Variants in DPP10 observed in about 807,000 individuals in gnomAD.
The protein encoded by DPP10 is inactive dipeptidyl peptidase 10.
Under a neutral mutation model 120.9 loss-of-function variants are expected in DPP10, and 33 were observed. The observed-to-expected ratio is 0.27, with a 90% CI of 0.21 to 0.37. DPP10 has a LOEUF of 0.37. Ranked by LOEUF, DPP10 falls within the 10% of genes least tolerant of loss-of-function variation. DPP10 has a pLI of 1.00. For synonymous variants in DPP10, 337 were observed against 326.1 expected, an observed-to-expected ratio of 1.03 and a Z score of -0.36; for missense variants, 816 against 942.8, an observed-to-expected ratio of 0.87 and a Z score of 1.76.
At chr2:114,605,965 T>C (rs1387259807) in intron 1 of DPP10, among the ~76,000 whole-genome samples, 1 of 152,144 alleles carries the variant, frequency 6.6e-6, no homozygotes. Flanking sequence ...CTTGCCTGTT[T>C]GGAAGCCACT....
At chr2:114,950,632 C>T (rs1697718119) in intron 1 of DPP10, among the ~76,000 whole-genome samples, 1 of 151,600 alleles carries the variant, frequency 6.6e-6, no homozygotes, top group Admixed American at 6.6e-5. Context: ...CTTAGAACAC[C>T]TTTGGGTTTT....
chr2:114,594,382 A>ATATG (rs1034007165), intron 1 of DPP10, among the ~76,000 whole-genome samples: 4 of 149,858 alleles, frequency 2.7e-5, no homozygotes, highest in African/African-American at 9.7e-5. Flanking sequence ...ATATATATAT[A>ATATG]TGTGTATATA....
At chr2:115,059,973 A>T (rs1396287168) in intron 1 of DPP10, among the ~76,000 whole-genome samples, 1 of 152,068 alleles carries the variant, frequency 6.6e-6, no homozygotes, top group East Asian at 1.9e-4. Flanking sequence ...AAACATGAGG[A>T]TGATGCGTGC....
intron 1 of DPP10, among the ~76,000 whole-genome samples, chr2:114,479,354 T>C (rs1015127682): frequency 6.0e-5 from 9 of 150,800 alleles, no homozygotes; most frequent in Non-Finnish European, 1.2e-4. Context: ...ACTGTATAAC[T>C]ACAAAAATAA....
chr2:115,464,749 T>A (rs1254922590), intron 3 of DPP10, among the ~76,000 whole-genome samples: 1 of 152,064 alleles, frequency 6.6e-6, no homozygotes, highest in Admixed American at 6.6e-5. Context: ...ATAATATCAA[T>A]AGGTAATTAT....
chr2:115,784,976 TA>T lies in DPP10; in HGVS notation c.1531+2579del, dbSNP rs531215540. 6.6e-3 allele frequency among the ~76,000 whole-genome samples: 1,003 copies of T among 152,356 alleles called. 12 individuals are homozygous for T. Among genetic ancestry groups the T allele is most frequent in the Non-Finnish European group, 7.6e-3 (520 of 68,030 alleles). On this transcript the variant is annotated intron_variant, in intron 17 of 25. Coordinates refer to ENST00000410059, the MANE Select transcript of DPP10 (RefSeq NM_020868.6). ...ATAATGGGAGTTTGTAAGTACATTT[TA>T]ATGGAATATTACTCAGTGCCCTGGG...
chr2:115,240,832 T>G (rs1034610600), intron 1 of DPP10, among the ~76,000 whole-genome samples: 10 of 152,216 alleles, frequency 6.6e-5, no homozygotes, highest in Non-Finnish European at 1.0e-4. Flanking sequence ...CAAAACAAAA[T>G]ATTTACAGTT....
intron 1 of DPP10, among the ~76,000 whole-genome samples, chr2:115,300,006 A>G (rs2061053775): frequency 6.6e-6 from 1 of 152,038 alleles, no homozygotes; most frequent in African/African-American, 2.4e-5. Context: ...CTCTAATAAC[A>G]TTTTGTGGTT....
Position 115,815,706 on chromosome 2 carries a change from A to G in DPP10, c.1927A>G (p.Lys643Glu). Reference protein sequence around the residue: ...FLLKLPYIDSKRLSIFGKGYG... With the variant: ...FLLKLPYIDSERLSIFGKGYG... ...GCTGAAACTGCCTTACATTGACTCC[A>G]AAAGATTAAGCATTTTTGGAAAGGT... The change falls in exon 21 of 26, where the codon AAA (lysine) becomes GAA (glutamate). Residue 643 changes from lysine to glutamate, a missense_variant. Lys to Glu is a moderately conservative substitution (Grantham distance 56). Around this residue, in one of 3 missense-constraint regions of DPP10, gnomAD observed 592 missense variants for 649.0 expected, o/e 0.91. Transcript: ENST00000410059. The G allele has an allele frequency of 6.2e-7, 1 of 1,602,062 alleles. No individual in the cohort carries two copies. The highest frequency in any genetic ancestry group is 8.5e-7 in the Non-Finnish European group (1 of 1,172,900).
At chr2:114,689,217 C>T (rs991239782) in intron 1 of DPP10, among the ~76,000 whole-genome samples, 2 of 151,682 alleles carry the variant, frequency 1.3e-5, no homozygotes, top group African/African-American at 4.8e-5. Flanking sequence ...TCCTAATGCT[C>T]TCCCTCTCCC....
At chr2:115,098,352 C>G (rs1187087077) in intron 1 of DPP10, among the ~76,000 whole-genome samples, 3 of 152,088 alleles carry the variant, frequency 2.0e-5, no homozygotes, top group African/African-American at 7.2e-5. Flanking sequence ...GTCATGCATC[C>G]CTTACCAACA....
At chr2:115,105,670 T>G (rs539829024) in intron 1 of DPP10, among the ~76,000 whole-genome samples, 2 of 152,310 alleles carry the variant, frequency 1.3e-5, no homozygotes, top group East Asian at 3.9e-4. Context: ...TCAATATGAT[T>G]CTGCACATGA....
At chr2:115,289,341 T>C (rs954846496) in intron 1 of DPP10, among the ~76,000 whole-genome samples, 2 of 151,968 alleles carry the variant, frequency 1.3e-5, no homozygotes, top group Admixed American at 6.6e-5. Context: ...CCCATGCTCA[T>C]GCATTGGAAG....
intron 1 of DPP10, among the ~76,000 whole-genome samples, chr2:114,964,506 GA>G (rs1411061932): frequency 6.6e-6 from 1 of 152,000 alleles, no homozygotes; most frequent in African/African-American, 2.4e-5. Flanking sequence ...AGTCTTCCCC[GA>G]GAAAGTGACA....
At chr2:115,834,959 G>A (rs190909757) in intron 21 of DPP10, among the ~76,000 whole-genome samples, 14 of 152,164 alleles carry the variant, frequency 9.2e-5, no homozygotes, top group African/African-American at 2.4e-4. Flanking sequence ...GGTGGCGGGC[G>A]CCTGTGGTCC....
At chr2:114,740,976 T>C (rs909871005) in intron 1 of DPP10, among the ~76,000 whole-genome samples, 1 of 152,236 alleles carries the variant, frequency 6.6e-6, no homozygotes, top group African/African-American at 2.4e-5. Flanking sequence ...CATTACTGGG[T>C]TCCAAATTAA....
chr2:115,313,123 T>C (rs941501171), intron 2 of DPP10, among the ~76,000 whole-genome samples: 7 of 152,120 alleles, frequency 4.6e-5, no homozygotes, highest in African/African-American at 1.7e-4. Flanking sequence ...CTCGGGAGGC[T>C]GAGGCAGGAG....
chr2:114,922,309 A>T (rs1558882200), intron 1 of DPP10, among the ~76,000 whole-genome samples: 2 of 152,038 alleles, frequency 1.3e-5, no homozygotes, highest in Admixed American at 1.3e-4. Flanking sequence ...TATTCTAGAC[A>T]TCTTATTTTA....
intron 1 of DPP10, among the ~76,000 whole-genome samples, chr2:115,270,066 TC>T (rs2059623763): frequency 7.7e-6 from 1 of 130,642 alleles, no homozygotes; most frequent in Non-Finnish European, 1.6e-5. Context: ...TAGGTATACT[TC>T]ACACACACAC....
Sources: gnomAD v4.1 joint callset for allele counts (sites outside exome capture counted in the v4.1 genomes callset) on GRCh38, gnomAD v4.1.1 for gene constraint, gnomAD v4.1.1 regional missense constraint, MANE v1.5 for transcripts, NCBI Gene and HGNC (gene_info 2026-07-23, HGNC 2026-07-21) for gene names.